CTIF: variants seen among roughly 807,000 people sequenced by gnomAD.
CTIF encodes cap binding complex dependent translation initiation factor.
A neutral mutation model predicts 66.0 loss-of-function variants in CTIF; 21 were observed. That is an observed-to-expected ratio of 0.32 (90% CI 0.23 to 0.46). The LOEUF (loss-of-function observed/expected upper bound fraction) is 0.46, where lower values mean the gene tolerates loss of function less well. CTIF is among the 20% of genes least tolerant of loss of function. The pLI, the probability that CTIF is intolerant of heterozygous loss-of-function variation, is 1.00. For missense variants in CTIF, 739 were observed against 812.7 expected (o/e 0.91, Z 1.10); for synonymous variants, 345 against 326.4 (o/e 1.06, Z -0.62).
At chr18:48,698,423 G>T (rs755391016) in intron 6 of CTIF, among the ~76,000 whole-genome samples, 1 of 152,070 alleles carries the variant, frequency 6.6e-6, no homozygotes, top group Non-Finnish European at 1.5e-5. Context: ...GTGTTGCCCC[G>T]GCTGGTCTCG....
intron 9 of CTIF, among the ~76,000 whole-genome samples, chr18:48,806,838 A>G (rs1297819179): frequency 1.3e-5 from 2 of 152,196 alleles, no homozygotes; most frequent in Admixed American, 1.3e-4. Flanking sequence ...GGGCTTATTG[A>G]TGTGGCCGGT....
At chr18:48,697,744 A>G (rs2092028061) in intron 6 of CTIF, among the ~76,000 whole-genome samples, 1 of 152,100 alleles carries the variant, frequency 6.6e-6, no homozygotes, top group South Asian at 2.1e-4. Context: ...GGAGCAATCC[A>G]TTTGCTGAAG....
intron 11 of CTIF, among the ~76,000 whole-genome samples, chr18:48,858,867 G>T (rs2069389687): frequency 6.6e-6 from 1 of 152,206 alleles, no homozygotes; most frequent in South Asian, 2.1e-4. Context: ...GAAACAGGAG[G>T]CATCACCCCT....
At chr18:48,847,166 G>A (rs917377213) in intron 10 of CTIF, among the ~76,000 whole-genome samples, 1 of 151,986 alleles carries the variant, frequency 6.6e-6, no homozygotes, top group African/African-American at 2.4e-5. Context: ...AAATTAGCTG[G>A]TCGTGGTGGT....
At chr18:48,767,987 C>T (rs1480324583) in intron 9 of CTIF, among the ~76,000 whole-genome samples, 1 of 152,174 alleles carries the variant, frequency 6.6e-6, no homozygotes, top group Non-Finnish European at 1.5e-5. Flanking sequence ...GTATCTTACC[C>T]ATACCTCATC....
chr18:48,704,470 T>G (rs2092125264), intron 6 of CTIF, among the ~76,000 whole-genome samples: 1 of 152,160 alleles, frequency 6.6e-6, no homozygotes, highest in Non-Finnish European at 1.5e-5. Context: ...CTGGGTTAGT[T>G]TCCCGGGGCC....
At chr18:48,662,506 A>G (rs529892663) in intron 3 of CTIF, 3 of 152,008 alleles carry the variant, frequency 2.0e-5, no homozygotes, top group South Asian at 2.1e-4. Context: ...CTTCGACTCC[A>G]TAAGCCCTCC....
chr18:48,591,824 T>C (rs2089892859), intron 1 of CTIF, among the ~76,000 whole-genome samples: 1 of 152,248 alleles, frequency 6.6e-6, no homozygotes, highest in Non-Finnish European at 1.5e-5. Flanking sequence ...CATAGCTCAT[T>C]GTAGCCTCCA....
At chr18:48,608,595 G>C (rs1376918138) in intron 1 of CTIF, among the ~76,000 whole-genome samples, 1 of 152,186 alleles carries the variant, frequency 6.6e-6, no homozygotes, top group Non-Finnish European at 1.5e-5. Context: ...AGGTGGGCTT[G>C]AGCTGTTCTT....
chr18:48,748,137 C>T (rs4939809), intron 7 of CTIF, among the ~76,000 whole-genome samples: 44,563 of 151,650 alleles, frequency 0.29, 7,244 homozygotes, highest in African/African-American at 0.43. Flanking sequence ...TGAGGAAGTT[C>T]TTCTAGAAGA....
At chr18:48,655,729 G>C (rs1476973911) in intron 3 of CTIF, among the ~76,000 whole-genome samples, 1 of 152,124 alleles carries the variant, frequency 6.6e-6, no homozygotes, top group Non-Finnish European at 1.5e-5. Flanking sequence ...ACCTGATGTA[G>C]CAGGCCTGCT....
intron 3 of CTIF, chr18:48,662,444 T>C (rs1207924815): frequency 6.6e-6 from 1 of 152,112 alleles, no homozygotes; most frequent in Non-Finnish European, 1.5e-5. Flanking sequence ...GCTGAGGGAC[T>C]TGCCCAGAGT....
At chr18:48,847,115 C>G (rs1280643921) in intron 10 of CTIF, among the ~76,000 whole-genome samples, 3 of 151,928 alleles carry the variant, frequency 2.0e-5, no homozygotes, top group Non-Finnish European at 4.4e-5. Context: ...GGAGACCATC[C>G]CGGCCAACAT....
At chr18:48,723,144 C>T (rs762809999) in intron 7 of CTIF, among the ~76,000 whole-genome samples, 5 of 152,300 alleles carry the variant, frequency 3.3e-5, no homozygotes, top group Non-Finnish European at 7.4e-5. Flanking sequence ...TGCTCTGGGA[C>T]CCCCTCCTTC....
chr18:48,561,596 C>A (rs1168369645), intron 1 of CTIF, among the ~76,000 whole-genome samples: 1 of 152,174 alleles, frequency 6.6e-6, no homozygotes, highest in Non-Finnish European at 1.5e-5. Flanking sequence ...TCCCTGTGCC[C>A]CACTTTCAGG....
intron 1 of CTIF, among the ~76,000 whole-genome samples, chr18:48,604,108 T>C (rs1011449479): frequency 2.0e-5 from 3 of 149,880 alleles, no homozygotes; most frequent in African/African-American, 7.4e-5. Context: ...CCTCCCAAAG[T>C]GTTGGGATTA....
chr18:48,835,259 A>G (rs2068784021), intron 10 of CTIF, among the ~76,000 whole-genome samples: 1 of 152,232 alleles, frequency 6.6e-6, no homozygotes, highest in African/African-American at 2.4e-5. Flanking sequence ...ATTATGCATT[A>G]GCCACAAGGG....
In CTIF at chr18:48,846,492, AGGATAGATGGATGGATGGATGGATGGAT is replaced by A. The variant is rs2069076145; in HGVS notation, c.1528-11091_1528-11064del. 3.2e-5 allele frequency among the ~76,000 whole-genome samples: 4 copies of A among 125,212 alleles called. No homozygotes were observed. In the South Asian group the frequency reaches 7.9e-4, roughly 25 times the overall value. The allele number at this position is 125,212 out of a possible 152,430, so 82.1% of individuals were successfully genotyped here. ...GTAGATGGGTAGATAGATGGATGAA[AGGATAGATGGATGGATGGATGGATGGAT>A]GGATGGATGGATGGATGGATAGGTG... On this transcript the variant is annotated intron_variant, in intron 10 of 11. Coordinates refer to ENST00000256413, the MANE Select transcript of CTIF (RefSeq NM_014772.3).
chr18:48,776,857 G>A (rs1406404514), intron 9 of CTIF, among the ~76,000 whole-genome samples: 4 of 152,254 alleles, frequency 2.6e-5, no homozygotes, highest in South Asian at 4.1e-4. Context: ...AAGGCTCGGC[G>A]TGGGAGGAGG....
Sources: gnomAD v4.1 joint callset for allele counts (sites outside exome capture counted in the v4.1 genomes callset) on GRCh38, gnomAD v4.1.1 for gene constraint, MANE v1.5 for transcripts, NCBI Gene and HGNC (gene_info 2026-07-23, HGNC 2026-07-21) for gene names.